ZNF431: variants seen among roughly 807,000 people sequenced by gnomAD.
The protein encoded by ZNF431 is zinc finger protein 431.
ZNF431 carries 34 observed loss-of-function variants against 57.0 expected under a neutral mutation model. The ratio of observed to expected loss-of-function variants is 0.60; its 90% CI spans 0.45 to 0.79. The LOEUF is 0.79. Ranked by LOEUF, ZNF431 falls within the 30% of genes least tolerant of loss-of-function variation. ZNF431 has a pLI of 0.00. For missense variants in ZNF431, 607 were observed against 667.1 expected (o/e 0.91, Z 0.99); for synonymous variants, 207 against 220.3 (o/e 0.94, Z 0.54).
chr19:21,177,249 C>G (rs1243222183), intron 4 of ZNF431, among the ~76,000 whole-genome samples: 3 of 152,148 alleles, frequency 2.0e-5, no homozygotes, highest in Non-Finnish European at 4.4e-5. Context: ...CTGCATATGG[C>G]TAGCCAGTTC....
chr19:21,194,244 G>A lies in ZNF431; in HGVS notation c.*10210G>A, dbSNP rs1480466056. On this transcript the variant is annotated 3_prime_UTR_variant, in exon 5 of 5. Coordinates refer to ENST00000311048, the MANE Select transcript of ZNF431 (RefSeq NM_133473.4). ...CAAGCTGAGAACAAAATCAAGAACAGTTTTCTTTACAATAGCCATAAACAA... is the reference window on the plus strand; with the variant it reads ...CAAGCTGAGAACAAAATCAAGAACAATTTTCTTTACAATAGCCATAAACAA... 1 of 152,054 alleles carries A rather than the reference G, an allele frequency of 6.6e-6. No homozygotes were observed. The highest frequency in any genetic ancestry group is 2.4e-5 in the African/African-American group (1 of 41,406). 9.4% of individuals were successfully genotyped at this position (152,054 alleles called of 1,614,324 possible).
chr19:21,186,833 TTTAG>T lies in ZNF431; in HGVS notation c.*2804_*2807del, dbSNP rs982590528. The T allele has an allele frequency of 4.6e-5, 7 of 152,196 alleles. No homozygotes were observed. The highest frequency in any genetic ancestry group is 4.6e-4 in the Admixed American group (7 of 15,280). The allele number at this position is 152,196 out of a possible 1,614,324, so 9.4% of individuals were successfully genotyped here. ...AAGTAGTGTATTAAGTTACATTTTA[TTTAG>T]TTAGAGCACTCCATTTTGTTCTTTT... On this transcript the variant is annotated 3_prime_UTR_variant, in exon 5 of 5. Coordinates refer to ENST00000311048, the MANE Select transcript of ZNF431 (RefSeq NM_133473.4).
At chr19:21,145,486 C>T (rs1970060454) in intron 2 of ZNF431, among the ~76,000 whole-genome samples, 1 of 152,030 alleles carries the variant, frequency 6.6e-6, no homozygotes, top group African/African-American at 2.4e-5. Context: ...CAAAAAGAAA[C>T]AAAGAAACAA....
chr19:21,172,427 CAA>C (rs372960141), intron 4 of ZNF431, among the ~76,000 whole-genome samples: 20 of 63,878 alleles, frequency 3.1e-4, no homozygotes, highest in East Asian at 4.7e-4. Flanking sequence ...GATTCCATCT[CAA>C]AAAAAAAAAA....
chr19:21,185,318 A>G lies in ZNF431; in HGVS notation c.*1284A>G, dbSNP rs1160603694. On this transcript the variant is annotated 3_prime_UTR_variant, in exon 5 of 5. Coordinates refer to ENST00000311048, the MANE Select transcript of ZNF431 (RefSeq NM_133473.4). Reference sequence around the variant, plus strand: ...CAAAGTATACTTTATTTCTTGAAAAATATTACAGATTTTTTGAAAATTGAA... The same window carrying G: ...CAAAGTATACTTTATTTCTTGAAAAGTATTACAGATTTTTTGAAAATTGAA... The G allele has an allele frequency of 1.3e-5, 2 of 152,202 alleles. No individual in the cohort carries two copies. Among genetic ancestry groups the G allele is most frequent in the East Asian group, 3.8e-4 (2 of 5,200 alleles). 9.4% of individuals were successfully genotyped at this position (152,202 alleles called of 1,614,324 possible).
chr19:21,148,975 A>C (rs867941002), intron 2 of ZNF431, among the ~76,000 whole-genome samples: 2 of 152,322 alleles, frequency 1.3e-5, no homozygotes, highest in Non-Finnish European at 1.5e-5. Flanking sequence ...ATGACCTTTA[A>C]ATTGTACAAC....
intron 4 of ZNF431, among the ~76,000 whole-genome samples, chr19:21,174,268 A>G (rs1970988588): frequency 6.6e-6 from 1 of 152,192 alleles, no homozygotes; most frequent in South Asian, 2.1e-4. Context: ...AATACAGTCT[A>G]TAATGCCTGT....
chr19:21,147,931 G>A (rs1970148967), intron 2 of ZNF431, among the ~76,000 whole-genome samples: 1 of 151,786 alleles, frequency 6.6e-6, no homozygotes, highest in Non-Finnish European at 1.5e-5. Context: ...TACTAAATGA[G>A]CCAAATTTTT....
rs1422123486 is a variant in ZNF431 at position 21,183,208 on chromosome 19, A to T, written c.905A>T (p.His302Leu). ...ECGKAFNRSS[H>L]LTTHKIIHTG... Reference sequence around the variant, plus strand: ...GGCAAAGCCTTCAACCGGTCCTCACACCTTACTACACATAAGATAATTCAT... The same window carrying T: ...GGCAAAGCCTTCAACCGGTCCTCACTCCTTACTACACATAAGATAATTCAT... Residue 302 changes from histidine to leucine, a missense_variant, in exon 5 of 5, where the codon CAC (histidine) becomes CTC (leucine). Coordinates refer to ENST00000311048, the MANE Select transcript of ZNF431 (RefSeq NM_133473.4). The T allele has an allele frequency of 6.2e-7, 1 of 1,613,486 alleles. No individual in the cohort carries two copies. Among genetic ancestry groups the T allele is most frequent in the Non-Finnish European group, 8.5e-7 (1 of 1,179,842 alleles).
At chr19:21,153,116 A>G (rs898100613) in intron 2 of ZNF431, among the ~76,000 whole-genome samples, 5 of 152,196 alleles carry the variant, frequency 3.3e-5, no homozygotes, top group Admixed American at 2.0e-4. Flanking sequence ...AGACATTGCC[A>G]TGGCATTTAT....
At chr19:21,169,102 A>T (rs1223283429) in intron 4 of ZNF431, among the ~76,000 whole-genome samples, 2 of 151,230 alleles carry the variant, frequency 1.3e-5, no homozygotes, top group Non-Finnish European at 2.9e-5. Flanking sequence ...TTTTAGTAAG[A>T]CGGAATTTCA....
At position 21,143,663 on chromosome 19, in the gene ZNF431, A is replaced by C. The variant is rs1233389857; in HGVS notation, c.96+20A>C. Reference sequence around the variant, plus strand: ...GAAAAGGTAACCTCTTGAGACATTAAAATTGTCTACGCCCAACCCAGCTTT... The same window carrying C: ...GAAAAGGTAACCTCTTGAGACATTACAATTGTCTACGCCCAACCCAGCTTT... On this transcript the variant is annotated intron_variant, in intron 2 of 4. Coordinates refer to ENST00000311048, the MANE Select transcript of ZNF431 (RefSeq NM_133473.4). 6.3e-7 allele frequency: 1 copy of C among 1,584,334 alleles called. No individual in the cohort carries two copies. Among genetic ancestry groups the C allele is most frequent in the African/African-American group, 1.3e-5 (1 of 74,290 alleles).
rs1256971936 is a variant in ZNF431, at chr19:21,184,681, G to A, written c.*647G>A. On this transcript the variant is annotated 3_prime_UTR_variant, in exon 5 of 5. Coordinates refer to ENST00000311048, the MANE Select transcript of ZNF431 (RefSeq NM_133473.4). The stretch of plus-strand genomic sequence containing the variant: ...ATGCTCACACTTTATTGCTAGGAAA[G>A]CATTTATACTTGAGATAAATTATAC... The A allele has an allele frequency of 6.6e-6, 1 of 152,576 alleles. No homozygotes were observed. The highest frequency in any genetic ancestry group is 2.4e-5 in the African/African-American group (1 of 41,422). 9.5% of individuals were successfully genotyped at this position (152,576 alleles called of 1,614,324 possible). A position where few individuals can be genotyped will look rare whatever the true frequency, so the allele number is the denominator to read the frequency against.
Position 21,183,025 on chromosome 19 carries a change from T to A in ZNF431, c.722T>A (p.Phe241Tyr). The change falls in exon 5 of 5, where the codon TTT becomes TAT. Residue 241 changes from phenylalanine to tyrosine, a missense_variant. Phe to Tyr is a conservative substitution (Grantham distance 22, BLOSUM62 3). Transcript: ENST00000311048. ...CAATGTGAAGAATGTGGCAAAGCTT[T>A]TAAATGGTTCTCAACCCTTACTAGA... ...SYQCEECGKA[F>Y]KWFSTLTRHK... 1.9e-6 allele frequency: 3 copies of A among 1,614,016 alleles called. No individual in the cohort carries two copies. The highest frequency in any genetic ancestry group is 1.7e-6 in the Non-Finnish European group (2 of 1,179,936).
intron 2 of ZNF431, among the ~76,000 whole-genome samples, chr19:21,160,017 A>C (rs1480368829): frequency 7.0e-6 from 1 of 143,546 alleles, no homozygotes; most frequent in Non-Finnish European, 1.5e-5. Flanking sequence ...CATATTACTT[A>C]GAGTATGCTA....
intron 2 of ZNF431, among the ~76,000 whole-genome samples, chr19:21,155,738 G>T (rs1568299615): frequency 6.6e-6 from 1 of 152,116 alleles, no homozygotes; most frequent in Non-Finnish European, 1.5e-5. Flanking sequence ...ACTCTGGGTG[G>T]TGTCAGAATT....
chr19:21,167,962 CT>C (rs998123626), intron 4 of ZNF431, among the ~76,000 whole-genome samples: 8 of 151,978 alleles, frequency 5.3e-5, no homozygotes, highest in African/African-American at 9.7e-5. Flanking sequence ...AATCTGACTG[CT>C]TTTTTATTGT....
rs2145053578 is a variant in ZNF431, at chr19:21,183,478, G to T, written c.1175G>T (p.Arg392Ile). Residue 392 changes from arginine (R) to isoleucine (I), a missense_variant, in exon 5 of 5, where the codon AGA (arginine) becomes ATA (isoleucine). Transcript: ENST00000311048. ...NWSSTLTKHK[R>I]IHTGEKPYKC... Reference sequence around the variant, plus strand: ...TCCTCAACCCTTACTAAACATAAAAGAATTCATACTGGAGAGAAACCCTAC... The same window carrying T: ...TCCTCAACCCTTACTAAACATAAAATAATTCATACTGGAGAGAAACCCTAC... 2 of 1,611,734 alleles carry T rather than the reference G, an allele frequency of 1.2e-6. No homozygotes were observed. Among genetic ancestry groups the T allele is most frequent in the East Asian group, 2.2e-5 (1 of 44,706 alleles).
At position 21,156,728 on chromosome 19, in the gene ZNF431, A is replaced by G. The variant is rs139667062; in HGVS notation, c.97-9607A>G. 2.4e-3 allele frequency among the ~76,000 whole-genome samples: 363 copies of G among 151,392 alleles called. 1 individual carries two copies. The highest frequency in any genetic ancestry group is 6.8e-3 in the Middle Eastern group (2 of 294). On this transcript the variant is annotated intron_variant, in intron 2 of 4. Coordinates refer to ENST00000311048, the MANE Select transcript of ZNF431 (RefSeq NM_133473.4). ...TTTTTTAATGGCCACATAATCTTCC[A>G]TGATGTTTATGTACCGTACTTTGTT...
Sources: gnomAD v4.1 joint callset for allele counts (sites outside exome capture counted in the v4.1 genomes callset) on GRCh38, gnomAD v4.1.1 for gene constraint, MANE v1.5 for transcripts, NCBI Gene and HGNC (gene_info 2026-07-23, HGNC 2026-07-21) for gene names.